The following DNAAF1 variants were observed in gnomAD, a reference collection of about 807,000 sequenced individuals.
DNAAF1 encodes dynein axonemal assembly factor 1.
In DNAAF1, 65 loss-of-function variants were observed where a neutral mutation model predicts 71.1. That is an observed-to-expected ratio of 0.91 (90% CI 0.75 to 1.12). The LOEUF (loss-of-function observed/expected upper bound fraction) is 1.12, where lower values mean the gene tolerates loss of function less well. Among genes scored for constraint, DNAAF1 ranks in the 50% most tolerant of loss-of-function variants. DNAAF1 has a pLI of 0.00. For missense variants in DNAAF1, 1,178 were observed against 899.8 expected, an observed-to-expected ratio of 1.31 and a Z score of -3.96; for synonymous variants, 414 against 354.6, an observed-to-expected ratio of 1.17 and a Z score of -1.88.
chr16:84,157,935 C>G (rs1191747494), intron 5 of DNAAF1, among the ~76,000 whole-genome samples: 1 of 152,118 alleles, frequency 6.6e-6, no homozygotes, highest in African/African-American at 2.4e-5. Flanking sequence ...TGGCCAGGCA[C>G]AGTGGCTCAC....
Position 84,162,318 on chromosome 16 carries a change from T to C in DNAAF1, c.863+2522T>C, listed in dbSNP as rs1214630957. The C allele has an allele frequency of 2.0e-5, 3 of 152,246 alleles. No individual in the cohort carries two copies. The East Asian group carries it at 5.8e-4, about 29-fold the overall frequency. 9.4% of individuals were successfully genotyped at this position (152,246 alleles called of 1,614,324 possible). ...CAGTTTACGTATTTAAAGTGTACAA[T>C]GTGGCTGGATGTGGTGGCTCACGGC... On this transcript the variant is annotated intron_variant, in intron 6 of 11. Transcript: ENST00000378553.
chr16:84,171,119 AC>A (rs2088315837), intron 8 of DNAAF1, among the ~76,000 whole-genome samples: 1 of 152,012 alleles, frequency 6.6e-6, no homozygotes, highest in African/African-American at 2.4e-5. Context: ...AGAGCACAGG[AC>A]CCAAGGATAC....
At chr16:84,164,815 AT>A (rs1355260740) in intron 6 of DNAAF1, among the ~76,000 whole-genome samples, 1 of 152,188 alleles carries the variant, frequency 6.6e-6, no homozygotes, top group Non-Finnish European at 1.5e-5. Flanking sequence ...TGGTGAGAGT[AT>A]TTTTAGTCCC....
chr16:84,165,737 T>C, intron 6 of DNAAF1, 46 bp from the exon 7 acceptor site: 2 of 1,567,832 alleles, frequency 1.3e-6, no homozygotes, highest in Non-Finnish European at 1.8e-6. Flanking sequence ...ACAGTGTATG[T>C]TTGGAGTTCA....
At chr16:84,172,039 G>A (rs1488919163) in intron 8 of DNAAF1, among the ~76,000 whole-genome samples, 2 of 152,056 alleles carry the variant, frequency 1.3e-5, no homozygotes, top group Non-Finnish European at 1.5e-5. Context: ...CACCACACCT[G>A]GCTAATTTTT....
At chr16:84,166,362 CTTTTTTTCTT>C (rs2087993567) in intron 7 of DNAAF1, among the ~76,000 whole-genome samples, 1 of 125,236 alleles carries the variant, frequency 8.0e-6, no homozygotes, top group African/African-American at 3.1e-5. Context: ...CTTGGATTTT[CTTTTTTTCTT>C]TTTTTTTTTT....
At chr16:84,176,588 T>C in intron 11 of DNAAF1, 1 of 513,130 alleles carries the variant, frequency 1.9e-6, no homozygotes, top group Non-Finnish European at 3.6e-6. Flanking sequence ...CATGCAGATC[T>C]CCTGGGGCGG....
chr16:84,170,460 T>C, intron 8 of DNAAF1, 104 bp downstream of exon 8: 9 of 1,549,212 alleles, frequency 5.8e-6, no homozygotes, highest in Non-Finnish European at 7.9e-6. Context: ...TCACTTCTTC[T>C]GTATTGCTGT....
At chr16:84,158,968 T>A in intron 5 of DNAAF1, 1 of 933,726 alleles carries the variant, frequency 1.1e-6, no homozygotes, top group Non-Finnish European at 1.3e-6. Context: ...TGACCTCAAG[T>A]GATCCACCCA....
chr16:84,170,428 T>C, intron 8 of DNAAF1, 72 bp downstream of exon 8: 1 of 1,606,636 alleles, frequency 6.2e-7, no homozygotes, highest in South Asian at 1.1e-5. Context: ...CTCACGTCTC[T>C]GTGGGACCTG....
chr16:84,166,652 C>T (rs1424639631), intron 7 of DNAAF1, among the ~76,000 whole-genome samples: 1 of 152,198 alleles, frequency 6.6e-6, no homozygotes, highest in Non-Finnish European at 1.5e-5. Context: ...GGATTATAGG[C>T]ATGAGCTGCT....
chr16:84,154,770 C>G lies in DNAAF1; in HGVS notation c.546C>G (p.Asn182Lys), dbSNP rs144018942. 2.0e-3 allele frequency: 3,160 copies of G among 1,614,120 alleles called. 6 individuals carry two copies. The highest frequency in any genetic ancestry group is 2.4e-3 in the Non-Finnish European group (2,843 of 1,179,976). ...AACTGGATGCTCTTAACCTCAGCAA[C>G]AATTACATCAAGACCATTGAAAACC... ...LQKLDALNLS[N>K]NYIKTIENLS... is the part of the protein sequence containing the mutation. Residue 182 changes from asparagine (N) to lysine (K), a missense_variant, in exon 4 of 12, where the codon AAC becomes AAG. Transcript: ENST00000378553.
At position 84,154,662 on chromosome 16, in the gene DNAAF1, C is replaced by T. The variant is rs2087328101; in HGVS notation, c.438C>T (p.Asn146=). 3.7e-6 allele frequency: 6 copies of T among 1,614,154 alleles called. No homozygotes were observed. Among genetic ancestry groups the T allele is most frequent in the Middle Eastern group, 1.6e-4 (1 of 6,062 alleles). ...LQSNGIQKIE[N]LEAQTELRCL... is the part of the protein sequence containing the mutation. ...GCAATGGAATACAGAAAATCGAAAA[C>T]CTGGAGGCCCAAACTGAGTTGCGTT... The change falls in exon 4 of 12, where the codon AAC becomes AAT. Residue 146 remains asparagine (N), a synonymous_variant. Coordinates refer to ENST00000378553, the MANE Select transcript of DNAAF1 (RefSeq NM_178452.6).
chr16:84,155,134 T>G (rs934508256), intron 4 of DNAAF1, among the ~76,000 whole-genome samples: 3 of 152,182 alleles, frequency 2.0e-5, no homozygotes, highest in Non-Finnish European at 4.4e-5. Flanking sequence ...GGTCTCGATC[T>G]CCTGACCTCG....
chr16:84,174,822 C>T, intron 10 of DNAAF1, 100 bp downstream of exon 10: 2 of 1,474,416 alleles, frequency 1.4e-6, no homozygotes, highest in Non-Finnish European at 1.9e-6. Flanking sequence ...AAAATGTTCC[C>T]TGTGCATAAA....
chr16:84,177,778 C>T lies in DNAAF1; in HGVS notation c.2115C>T (p.Ala705=), dbSNP rs145042543. ...CCCCAGAGACGTGTGTCGGAGTTGC[C>T]CAGCCCAGCCAAGCTCTGCCCACGT... ...ATPPETCVGV[A]QPSQALPTWD... is the part of the protein sequence containing the mutation. Residue 705 remains alanine (A), a synonymous_variant, in exon 12 of 12, where the codon GCC becomes GCT. Coordinates refer to ENST00000378553, the MANE Select transcript of DNAAF1 (RefSeq NM_178452.6). 6.2e-7 allele frequency: 1 copy of T among 1,613,960 alleles called. No individual in the cohort carries two copies. The highest frequency in any genetic ancestry group is 8.5e-7 in the Non-Finnish European group (1 of 1,180,012).
intron 3 of DNAAF1, among the ~76,000 whole-genome samples, chr16:84,150,769 A>C (rs1212588590): frequency 6.6e-6 from 1 of 151,812 alleles, no homozygotes; most frequent in Admixed American, 6.6e-5. Context: ...GCCCACCACC[A>C]CGCCTTGCTA....
chr16:84,175,747 C>T (rs888501333), intron 10 of DNAAF1, 186 bp from the exon 11 acceptor site: 1 of 674,486 alleles, frequency 1.5e-6, no homozygotes, highest in Non-Finnish European at 2.6e-6. Context: ...TAGACATGAG[C>T]TGTGCCCAGG....
chr16:84,161,875 C>T (rs141197441), intron 6 of DNAAF1, among the ~76,000 whole-genome samples: 1 of 152,098 alleles, frequency 6.6e-6, no homozygotes, highest in Non-Finnish European at 1.5e-5. Flanking sequence ...GACATATACT[C>T]ATTTCTTTGT....
Sources: gnomAD v4.1 joint callset for allele counts (sites outside exome capture counted in the v4.1 genomes callset) on GRCh38, gnomAD v4.1.1 for gene constraint, MANE v1.5 for transcripts, NCBI Gene and HGNC (gene_info 2026-07-23, HGNC 2026-07-21) for gene names.